Variants in WWOX observed in about 807,000 individuals in gnomAD.
WWOX encodes WW domain-containing oxidoreductase.
A neutral mutation model predicts 46.2 loss-of-function variants in WWOX; 69 were observed. The ratio of observed to expected loss-of-function variants is 1.49; its 90% CI spans 1.23 to 1.82. The LOEUF is 1.82. Among genes scored for constraint, WWOX ranks in the 40% most tolerant of loss-of-function variants. WWOX has a pLI of 0.00. For missense variants in WWOX, 919 were observed against 542.6 expected (o/e 1.69, Z -6.89); for synonymous variants, 359 against 202.6 (o/e 1.77, Z -6.56).
chr16:78,892,892 C>G (rs923601221), intron 8 of WWOX, among the ~76,000 whole-genome samples: 5 of 152,182 alleles, frequency 3.3e-5, no homozygotes, highest in African/African-American at 1.2e-4. Flanking sequence ...ATCTCCTACG[C>G]CAAGTCCTAG....
chr16:79,008,362 C>A (rs1324895545), intron 8 of WWOX, among the ~76,000 whole-genome samples: 1 of 152,300 alleles, frequency 6.6e-6, no homozygotes, highest in East Asian at 1.9e-4. Context: ...GATTGAATCC[C>A]TTTTGATTAA....
intron 8 of WWOX, among the ~76,000 whole-genome samples, chr16:78,935,317 C>T (rs186952684): frequency 5.0e-4 from 76 of 152,118 alleles, no homozygotes; most frequent in Middle Eastern, 6.8e-3. Flanking sequence ...ATGTTTATTG[C>T]GGCACTATTC....
intron 8 of WWOX, among the ~76,000 whole-genome samples, chr16:78,744,756 A>G (rs1326015490): frequency 2.0e-5 from 3 of 152,034 alleles, no homozygotes; most frequent in Admixed American, 6.6e-5. Flanking sequence ...CTGCATTTCT[A>G]TTACCCGAAA....
At chr16:78,996,968 G>A (rs778212990) in intron 8 of WWOX, among the ~76,000 whole-genome samples, 49 of 152,296 alleles carry the variant, frequency 3.2e-4, no homozygotes, top group Non-Finnish European at 5.6e-4. Context: ...GGCGAGGTGC[G>A]GATCTTTTCG....
At chr16:78,944,112 T>TTTGGGG (rs2045904391) in intron 8 of WWOX, among the ~76,000 whole-genome samples, 1 of 152,226 alleles carries the variant, frequency 6.6e-6, no homozygotes, top group Non-Finnish European at 1.5e-5. Context: ...TTTGGGGGTT[T>TTTGGGG]TTTGCTGTGG....
chr16:78,833,932 C>G (rs1196807017), intron 8 of WWOX, among the ~76,000 whole-genome samples: 2 of 152,262 alleles, frequency 1.3e-5, no homozygotes, highest in African/African-American at 4.8e-5. Context: ...AGGCCAAGGA[C>G]TGTGTCTTAT....
chr16:78,121,807 G>A (rs1315171483), intron 4 of WWOX, among the ~76,000 whole-genome samples: 3 of 151,804 alleles, frequency 2.0e-5, no homozygotes, highest in African/African-American at 7.3e-5. Flanking sequence ...GATTACAGGT[G>A]CACACCACCA....
At chr16:79,154,865 G>T (rs2050350379) in intron 8 of WWOX, among the ~76,000 whole-genome samples, 1 of 152,168 alleles carries the variant, frequency 6.6e-6, no homozygotes, top group Non-Finnish European at 1.5e-5. Context: ...CAAGGTTTAG[G>T]CTCTCAGTGC....
chr16:78,628,974 T>C (rs558398226), intron 8 of WWOX, among the ~76,000 whole-genome samples: 1 of 152,322 alleles, frequency 6.6e-6, no homozygotes, highest in African/African-American at 2.4e-5. Context: ...AGAATTACTT[T>C]CCATTCTCAG....
chr16:78,791,452 G>C (rs2050597723), intron 8 of WWOX, among the ~76,000 whole-genome samples: 1 of 152,142 alleles, frequency 6.6e-6, no homozygotes, highest in Non-Finnish European at 1.5e-5. Flanking sequence ...CTGTTCCAGG[G>C]CTGGCTGAGT....
At chr16:79,023,746 C>T (rs901816536) in intron 8 of WWOX, among the ~76,000 whole-genome samples, 1 of 150,946 alleles carries the variant, frequency 6.6e-6, no homozygotes, top group Admixed American at 6.6e-5. Context: ...GTGGTGATAC[C>T]CCATCTCTAC....
At chr16:79,128,076 C>G (rs1424109) in intron 8 of WWOX, among the ~76,000 whole-genome samples, 35,564 of 152,024 alleles carry the variant, frequency 0.23, 4,366 homozygotes, top group East Asian at 0.42. Context: ...TTGGTTACCC[C>G]CTTCTCCATC....
chr16:78,708,178 A>G (rs972987678), intron 8 of WWOX, among the ~76,000 whole-genome samples: 6 of 152,164 alleles, frequency 3.9e-5, no homozygotes, highest in African/African-American at 1.4e-4. Flanking sequence ...GTGGTAGAGC[A>G]AGACCCTGTG....
At chr16:78,490,705 T>G (rs1253214869) in intron 8 of WWOX, among the ~76,000 whole-genome samples, 1 of 152,316 alleles carries the variant, frequency 6.6e-6, no homozygotes, top group African/African-American at 2.4e-5. Context: ...TTCTCCGTCC[T>G]GCAGCAAACT....
chr16:78,310,113 T>G (rs2080211924), intron 5 of WWOX, among the ~76,000 whole-genome samples: 1 of 152,078 alleles, frequency 6.6e-6, no homozygotes, highest in African/African-American at 2.4e-5. Context: ...ATAGCTCTCT[T>G]GCCCCATTGT....
chr16:79,184,427 T>C (rs2050973921), intron 8 of WWOX, among the ~76,000 whole-genome samples: 1 of 152,204 alleles, frequency 6.6e-6, no homozygotes, highest in African/African-American at 2.4e-5. Flanking sequence ...TGTAAGGAAA[T>C]TCACCAGACC....
At position 78,816,502 on chromosome 16, in the gene WWOX, C is replaced by CTT. The variant is rs55814418; in HGVS notation, c.1056+383779_1056+383780dup. Among the ~76,000 whole-genome samples, 111 of 42,094 alleles carry CTT rather than the reference C, an allele frequency of 2.6e-3. 13 individuals carry two copies. Among genetic ancestry groups the CTT allele is most frequent in the East Asian group, 9.9e-3 (12 of 1,208 alleles). The allele number at this position is 42,094 out of a possible 152,430, so 27.6% of individuals were successfully genotyped here. On this transcript the variant is annotated intron_variant, in intron 8 of 8. Transcript: ENST00000566780. ...ATCTACCAGACAAGAAGGAGCCACTCTTTTTTTTTTTTTTTTTTTTTTTTT... is the reference window on the plus strand; with the variant it reads ...ATCTACCAGACAAGAAGGAGCCACTCTTTTTTTTTTTTTTTTTTTTTTTTTTT...
chr16:78,659,110 A>C (rs1219501788), intron 8 of WWOX, among the ~76,000 whole-genome samples: 1 of 149,734 alleles, frequency 6.7e-6, no homozygotes, highest in Admixed American at 6.6e-5. Flanking sequence ...ACAAACAAAC[A>C]AACAAAAAAA....
intron 8 of WWOX, among the ~76,000 whole-genome samples, chr16:79,172,688 A>ATG (rs975041743): frequency 1.3e-5 from 2 of 152,080 alleles, no homozygotes; most frequent in African/African-American, 4.8e-5. Context: ...ACGCGCACGT[A>ATG]TGTGTGTGTG....
Sources: gnomAD v4.1 joint callset for allele counts (sites outside exome capture counted in the v4.1 genomes callset) on GRCh38, gnomAD v4.1.1 for gene constraint, MANE v1.5 for transcripts, NCBI Gene and HGNC (gene_info 2026-07-23, HGNC 2026-07-21) for gene names.